Variants in KCNQ1 observed in about 807,000 individuals in gnomAD.
KCNQ1 encodes potassium voltage-gated channel subfamily Q member 1.
In KCNQ1, 49 loss-of-function variants were observed where a neutral mutation model predicts 72.4. That is an observed-to-expected ratio of 0.68 (90% CI 0.54 to 0.86). The LOEUF is 0.86. KCNQ1 is among the 40% of genes least tolerant of loss of function. The pLI, the probability that KCNQ1 is intolerant of heterozygous loss-of-function variation, is 0.00. For synonymous variants in KCNQ1, 450 were observed against 412.6 expected, an observed-to-expected ratio of 1.09 and a Z score of -1.10; for missense variants, 790 against 945.1, an observed-to-expected ratio of 0.84 and a Z score of 2.15.
chr11:2,512,774 T>C (rs922132330), intron 1 of KCNQ1, among the ~76,000 whole-genome samples: 3 of 152,158 alleles, frequency 2.0e-5, no homozygotes, highest in Non-Finnish European at 4.4e-5. Context: ...CGCCTGCCTG[T>C]CTGCCCGCCT....
chr11:2,791,876 C>G (rs1391358439), intron 15 of KCNQ1, among the ~76,000 whole-genome samples: 3 of 152,256 alleles, frequency 2.0e-5, no homozygotes, highest in African/African-American at 7.2e-5. Flanking sequence ...ACGGTGGCGT[C>G]CACAAAATGG....
rs1015734424 is a variant in KCNQ1 at position 2,830,977 on chromosome 11, G to A, written c.1795-16790G>A. Among the ~76,000 whole-genome samples, 1 of 152,346 alleles carries A rather than the reference G, an allele frequency of 6.6e-6. No homozygotes were observed. Among genetic ancestry groups the A allele is most frequent in the Non-Finnish European group, 1.5e-5 (1 of 68,026 alleles). On this transcript the variant is annotated intron_variant, in intron 15 of 15. Transcript: ENST00000155840. This position sits in a 1 kb window ranked among gnomAD's most constrained non-coding sequence, Gnocchi z 7.7. Reference sequence around the variant, plus strand: ...TCTTGTCAAGGCAGGACAGGGAAGTGGTGATGATGAGAGGCAGCTGGTCTG... The same window carrying A: ...TCTTGTCAAGGCAGGACAGGGAAGTAGTGATGATGAGAGGCAGCTGGTCTG...
chr11:2,813,802 G>T lies in KCNQ1; in HGVS notation c.1795-33965G>T, dbSNP rs1158074163. ...GGCGGGCACATAGGCCTGGGGTGTG[G>T]GGAGCATTAATGAGTGTGAGTGAGT... On this transcript the variant is annotated intron_variant, in intron 15 of 15. Coordinates refer to ENST00000155840, the MANE Select transcript of KCNQ1 (RefSeq NM_000218.3). This position sits in a 1 kb window ranked among gnomAD's most constrained non-coding sequence, Gnocchi z 4.4. Among the ~76,000 whole-genome samples, 1 of 152,108 alleles carries T rather than the reference G, an allele frequency of 6.6e-6. No homozygotes were observed. Among genetic ancestry groups the T allele is most frequent in the Non-Finnish European group, 1.5e-5 (1 of 68,036 alleles).
chr11:2,789,177 G>C (rs527922035), intron 15 of KCNQ1, among the ~76,000 whole-genome samples: 1 of 152,310 alleles, frequency 6.6e-6, no homozygotes, highest in African/African-American at 2.4e-5. Flanking sequence ...CAGTGGCCAG[G>C]GGAATGCACA....
chr11:2,802,555 G>T (rs1173128660), intron 15 of KCNQ1, among the ~76,000 whole-genome samples: 1 of 152,190 alleles, frequency 6.6e-6, no homozygotes, highest in East Asian at 1.9e-4. Context: ...CCGTGGCTCT[G>T]GCAGCCACCC....
intron 8 of KCNQ1, among the ~76,000 whole-genome samples, chr11:2,585,556 C>T (rs911137906): frequency 2.0e-5 from 3 of 152,348 alleles, no homozygotes; most frequent in South Asian, 4.1e-4. Context: ...GAGGCACGGC[C>T]GTGGCCATGC....
At position 2,727,957 on chromosome 11, in the gene KCNQ1, A is replaced by G. The variant is rs375450231; in HGVS notation, c.1515-40887A>G. Among the ~76,000 whole-genome samples the G allele has an allele frequency of 2.3e-3, 350 of 152,158 alleles. 2 individuals carry two copies. Among genetic ancestry groups the G allele is most frequent in the African/African-American group, 7.8e-3 (325 of 41,510 alleles). On this transcript the variant is annotated intron_variant, in intron 11 of 15. Coordinates refer to ENST00000155840, the MANE Select transcript of KCNQ1 (RefSeq NM_000218.3). ...CTAGTCAAAGCGCTTCATTTCCATC[A>G]TATGTGGTGCAAAATCTAACCCTCT...
intron 6 of KCNQ1, among the ~76,000 whole-genome samples, chr11:2,577,798 G>A (rs993302255): frequency 2.6e-5 from 4 of 152,120 alleles, no homozygotes; most frequent in African/African-American, 7.2e-5. Flanking sequence ...TGGAATGTGA[G>A]TGCCTGGCCT....
intron 12 of KCNQ1, among the ~76,000 whole-genome samples, chr11:2,775,158 G>T (rs1846669102): frequency 1.3e-5 from 2 of 152,222 alleles, no homozygotes; most frequent in Non-Finnish European, 2.9e-5. Flanking sequence ...TCAAACCCCT[G>T]CTCAGCCTGG....
intron 10 of KCNQ1, chr11:2,640,562 CTTTT>C (rs58881533): frequency 9.5e-4 from 360 of 377,598 alleles, no homozygotes; most frequent in African/African-American, 4.2e-3. Context: ...CTGGGATTTC[CTTTT>C]TTTTTTTTTT....
chr11:2,553,127 A>G (rs991490067), intron 2 of KCNQ1, among the ~76,000 whole-genome samples: 1 of 148,878 alleles, frequency 6.7e-6, no homozygotes, highest in Non-Finnish European at 1.5e-5. Flanking sequence ...TAGTTTGAGA[A>G]GGTTTCTTGT....
intron 2 of KCNQ1, among the ~76,000 whole-genome samples, chr11:2,530,607 T>G (rs976711954): frequency 6.6e-6 from 1 of 152,206 alleles, no homozygotes; most frequent in South Asian, 2.1e-4. Context: ...GCTGTGTGCT[T>G]AAGTGTGCAT....
intron 10 of KCNQ1, chr11:2,648,987 T>TTC (rs1849713652): frequency 3.7e-6 from 1 of 270,644 alleles, no homozygotes; most frequent in East Asian, 6.7e-5. Flanking sequence ...TTTTCTTTTT[T>TTC]TTTTTTTTTT....
chr11:2,591,838 T>TCTGGAGC (rs1848674476), intron 10 of KCNQ1, among the ~76,000 whole-genome samples: 1 of 152,258 alleles, frequency 6.6e-6, no homozygotes, highest in Non-Finnish European at 1.5e-5. Context: ...CCACCAGCTT[T>TCTGGAGC]CTGGAGCCTG....
chr11:2,614,066 A>G, intron 10 of KCNQ1: 2 of 398,520 alleles, frequency 5.0e-6, no homozygotes, highest in Non-Finnish European at 8.8e-6. Flanking sequence ...CCAATCTCTT[A>G]TGCTTGCATG....
At chr11:2,615,819 G>T (rs753903516) in intron 10 of KCNQ1, 1 of 397,974 alleles carries the variant, frequency 2.5e-6, no homozygotes, top group Non-Finnish European at 4.4e-6. Flanking sequence ...TTAGTATCTA[G>T]TTTGTCTTTT....
At chr11:2,633,886 CAT>C (rs1371366769) in intron 10 of KCNQ1, 3 of 398,450 alleles carry the variant, frequency 7.5e-6, no homozygotes, top group Non-Finnish European at 1.3e-5. Context: ...CATCTGTATA[CAT>C]AGTTTTCACT....
intron 1 of KCNQ1, among the ~76,000 whole-genome samples, chr11:2,452,329 C>T (rs946048737): frequency 3.3e-5 from 5 of 152,274 alleles, no homozygotes; most frequent in East Asian, 1.9e-4. Flanking sequence ...GTACTCCCTT[C>T]GGCCCTGGAA....
chr11:2,654,240 G>C lies in KCNQ1; in HGVS notation c.1394-7721G>C. The C allele has an allele frequency of 5.0e-6, 2 of 398,744 alleles. No homozygotes were observed. Among genetic ancestry groups the C allele is most frequent in the Non-Finnish European group, 8.8e-6 (2 of 226,186 alleles). 24.7% of individuals were successfully genotyped at this position (398,744 alleles called of 1,614,324 possible). ...CTGCAGCTGTCCGGATGCCCCTGGG[G>C]AGGGCTTCTCCTTCACAGTGCAGGA... On this transcript the variant is annotated intron_variant, in intron 10 of 15. Transcript: ENST00000155840. The surrounding 1 kb of genome is among the most constrained non-coding windows in gnomAD (Gnocchi z 6.4).
Sources: allele counts gnomAD v4.1 joint callset (sites outside exome capture counted in the v4.1 genomes callset), GRCh38; gene constraint gnomAD v4.1.1; non-coding constraint Gnocchi (gnomAD v3.1); transcripts MANE v1.5; gene names NCBI Gene and HGNC (gene_info 2026-07-23, HGNC 2026-07-21).